Variants in DRC11 observed in about 807,000 individuals in gnomAD.
DRC11 encodes the protein IQ and AAA domain-containing protein 1.
At chr2:236,424,459 G>A in the DRC11 span, among the ~76,000 whole-genome samples, 1 of 152,118 alleles carries the variant, frequency 6.6e-6, no homozygotes, top group East Asian at 1.9e-4. Flanking sequence ...TAAATACAGT[G>A]AAAGGTTTCC....
the DRC11 span, among the ~76,000 whole-genome samples, chr2:236,401,638 A>C: frequency 6.6e-6 from 1 of 152,226 alleles, no homozygotes; most frequent in South Asian, 2.1e-4. The surrounding 1 kb of genome is among the most constrained non-coding windows in gnomAD (Gnocchi z 4.6). Context: ...GGAAGCGTGA[A>C]GACCTAGGCT....
the DRC11 span, chr2:236,364,102 G>A: frequency 2.4e-5 from 19 of 788,932 alleles, no homozygotes; most frequent in Non-Finnish European, 3.0e-5. Context: ...TGATAAAGGC[G>A]TCCAAAGCAT....
At chr2:236,447,934 A>T in the DRC11 span, among the ~76,000 whole-genome samples, 2 of 152,346 alleles carry the variant, frequency 1.3e-5, no homozygotes, top group Non-Finnish European at 2.9e-5. The surrounding 1 kb of genome is among the most constrained non-coding windows in gnomAD (Gnocchi z 4.6). Flanking sequence ...CACATGCTGC[A>T]TGTCAACTTT....
At chr2:236,443,894 G>A in the DRC11 span, among the ~76,000 whole-genome samples, 1 of 152,034 alleles carries the variant, frequency 6.6e-6, no homozygotes, top group Non-Finnish European at 1.5e-5. The surrounding 1 kb of genome is among the most constrained non-coding windows in gnomAD (Gnocchi z 4.4). Flanking sequence ...TGACTGGCGT[G>A]AGATGGTATC....
the DRC11 span, among the ~76,000 whole-genome samples, chr2:236,459,529 G>GTA: frequency 3.4e-5 from 2 of 59,454 alleles, no homozygotes; most frequent in Non-Finnish European, 7.4e-5. Context: ...ATGTATACAT[G>GTA]TATACGTATA....
At chr2:236,355,891 C>T in the DRC11 span, among the ~76,000 whole-genome samples, 1 of 152,122 alleles carries the variant, frequency 6.6e-6, no homozygotes. Context: ...GGCACCTCTG[C>T]TGACACCTGG....
the DRC11 span, among the ~76,000 whole-genome samples, chr2:236,389,207 G>A: frequency 6.6e-6 from 1 of 152,218 alleles, no homozygotes; most frequent in African/African-American, 2.4e-5. Context: ...GAGCTTCCCG[G>A]CTGCTTTGTT....
chr2:236,477,614 T>C, the DRC11 span, among the ~76,000 whole-genome samples: 1 of 152,232 alleles, frequency 6.6e-6, no homozygotes, highest in African/African-American at 2.4e-5. Flanking sequence ...GTAGTATTGG[T>C]ATTAGTTCTT....
chr2:236,429,534 G>A, the DRC11 span, among the ~76,000 whole-genome samples: 3 of 152,148 alleles, frequency 2.0e-5, no homozygotes, highest in Admixed American at 6.5e-5. The surrounding 1 kb of genome is among the most constrained non-coding windows in gnomAD (Gnocchi z 5.9). Context: ...CTGGCTACAG[G>A]AGTCAGCCTT....
chr2:236,342,385 G>T, the DRC11 span, among the ~76,000 whole-genome samples: 19,600 of 152,248 alleles, frequency 0.13, 1,345 homozygotes, highest in Middle Eastern at 0.16. This position sits in a 1 kb window ranked among gnomAD's most constrained non-coding sequence, Gnocchi z 5.8. Context: ...CTCACCTGTG[G>T]ATGCCTCTGC....
At chr2:236,491,153 C>CACAGTATATATATATATATAT in the DRC11 span, among the ~76,000 whole-genome samples, 117 of 52,008 alleles carry the variant, frequency 2.2e-3, 13 homozygotes, top group African/African-American at 0.01. Context: ...TATATATATA[C>CACAGTATATATATATATATAT]ACACAGTATA....
chr2:236,386,980 A>G, the DRC11 span, among the ~76,000 whole-genome samples: 3 of 148,844 alleles, frequency 2.0e-5, no homozygotes, highest in Non-Finnish European at 4.5e-5. Context: ...GTTTTGAGTG[A>G]GATTCTTAAT....
chr2:236,309,254 G>A, the DRC11 span, among the ~76,000 whole-genome samples: 2,065 of 152,272 alleles, frequency 0.014, 81 homozygotes, highest in East Asian at 0.13. The surrounding 1 kb of genome is among the most constrained non-coding windows in gnomAD (Gnocchi z 5.7). Context: ...GAACCACACC[G>A]TGCATCACAA....
chr2:236,487,342 T>C, the DRC11 span, among the ~76,000 whole-genome samples: 1 of 152,204 alleles, frequency 6.6e-6, no homozygotes, highest in Non-Finnish European at 1.5e-5. Context: ...TTATCCATCC[T>C]TCCCCATCAC....
chr2:236,359,034 T>C, the DRC11 span, among the ~76,000 whole-genome samples: 13 of 151,640 alleles, frequency 8.6e-5, no homozygotes, highest in African/African-American at 1.9e-4. The surrounding 1 kb of genome is among the most constrained non-coding windows in gnomAD (Gnocchi z 4.3). Context: ...CCAGTGAGAA[T>C]GGCCCCCGCC....
chr2:236,322,852 C>T, the DRC11 span, among the ~76,000 whole-genome samples: 1 of 152,190 alleles, frequency 6.6e-6, no homozygotes, highest in Non-Finnish European at 1.5e-5. Flanking sequence ...TTGCACCAGC[C>T]ACATTTTGAG....
At chr2:236,325,598 C>CTT in the DRC11 span, among the ~76,000 whole-genome samples, 8 of 142,154 alleles carry the variant, frequency 5.6e-5, no homozygotes, top group South Asian at 2.3e-4. This position sits in a 1 kb window ranked among gnomAD's most constrained non-coding sequence, Gnocchi z 4.4. Context: ...CTTTGTATGT[C>CTT]TTTTTTTTTT....
At chr2:236,468,546 A>G in the DRC11 span, among the ~76,000 whole-genome samples, 2 of 152,216 alleles carry the variant, frequency 1.3e-5, no homozygotes, top group Admixed American at 1.3e-4. Flanking sequence ...AGGTACTCAA[A>G]AGCATGACTT....
At chr2:236,354,869 C>T in the DRC11 span, among the ~76,000 whole-genome samples, 6 of 152,250 alleles carry the variant, frequency 3.9e-5, no homozygotes, top group South Asian at 2.1e-4. Context: ...ACATGTATCC[C>T]GGGTCCTGGA....
Sources: allele counts gnomAD v4.1 joint callset (sites outside exome capture counted in the v4.1 genomes callset), GRCh38; gene constraint gnomAD v4.1.1; non-coding constraint Gnocchi (gnomAD v3.1); transcripts MANE v1.5; gene names NCBI Gene and HGNC (gene_info 2026-07-23, HGNC 2026-07-21).